The following DECR1 variants were observed in gnomAD, a reference collection of about 807,000 sequenced individuals.
DECR1 encodes 2,4-dienoyl-CoA reductase [(3E)-enoyl-CoA-producing], mitochondrial.
In DECR1, 44 loss-of-function variants were observed where a neutral mutation model predicts 38.8. That is an observed-to-expected ratio of 1.13 (90% CI 0.89 to 1.46). The LOEUF (loss-of-function observed/expected upper bound fraction) is 1.46. Ranked by LOEUF, DECR1 falls within the 40% of genes most tolerant of loss-of-function variation. The probability of loss-of-function intolerance (pLI) is 0.00; values close to 1 mark genes in which losing one functional copy is unlikely to be tolerated. For missense variants in DECR1, 428 were observed against 405.5 expected, an observed-to-expected ratio of 1.06 and a Z score of -0.48; for synonymous variants, 148 against 135.2, an observed-to-expected ratio of 1.09 and a Z score of -0.66.
At chr8:90,020,790 A>G (rs993474919) in intron 4 of DECR1, 119 bp from the exon 5 acceptor site, 2 of 693,324 alleles carry the variant, frequency 2.9e-6, no homozygotes, top group Non-Finnish European at 4.3e-6. Context: ...TTTCGTAGGT[A>G]GCTGTGGACT....
At chr8:90,037,874 C>T (rs1274097316) in intron 6 of DECR1, among the ~76,000 whole-genome samples, 1 of 152,140 alleles carries the variant, frequency 6.6e-6, no homozygotes, top group Admixed American at 6.6e-5. Flanking sequence ...CTACCAGTCT[C>T]TTCCCCCTGT....
At chr8:90,004,661 T>A (rs1265797343) in intron 1 of DECR1, among the ~76,000 whole-genome samples, 1 of 152,236 alleles carries the variant, frequency 6.6e-6, no homozygotes, top group African/African-American at 2.4e-5. Context: ...TTATTTTTTT[T>A]AAATCTGGAA....
Position 90,019,150 on chromosome 8 carries a change from T to C in DECR1, c.395T>C (p.Ile132Thr). The C allele has an allele frequency of 3.1e-6, 5 of 1,614,154 alleles. No homozygotes were observed. The highest frequency in any genetic ancestry group is 2.2e-5 in the East Asian group (1 of 44,880). ...DMVQNTVSEL[I>T]KVAGHPNIVI... ...GTTCAAAACACTGTGTCAGAACTGA[T>C]CAAAGTTGCAGGACATCCTAATGTA... The change falls in exon 4 of 10, where the codon ATC becomes ACC. Residue 132 changes from isoleucine (I) to threonine (T), a missense_variant. Physicochemically the swap from Ile to Thr is moderately conservative, Grantham distance 89. Transcript: ENST00000220764.
intron 1 of DECR1, among the ~76,000 whole-genome samples, chr8:90,012,156 CT>C (rs1170178816): frequency 0.019 from 2,627 of 138,488 alleles, 59 homozygotes; most frequent in African/African-American, 0.056. Context: ...CTTTTCTTTT[CT>C]TTTTTTTTTT....
At chr8:90,047,628 G>A (rs1225579419) in intron 8 of DECR1, among the ~76,000 whole-genome samples, 2 of 152,122 alleles carry the variant, frequency 1.3e-5, no homozygotes, top group African/African-American at 4.8e-5. Flanking sequence ...AGAACAACAA[G>A]ACAGAAAGTT....
chr8:90,029,517 GAAGAAAGAATA>G (rs1563640738), intron 5 of DECR1: 1 of 152,154 alleles, frequency 6.6e-6, no homozygotes, highest in Admixed American at 6.5e-5. Flanking sequence ...ATCACCAACT[GAAGAAAGAATA>G]AAAACAAAGG....
intron 8 of DECR1, among the ~76,000 whole-genome samples, chr8:90,050,734 T>A (rs1163232511): frequency 6.6e-6 from 1 of 152,206 alleles, no homozygotes; most frequent in African/African-American, 2.4e-5. Context: ...CGTATGTTTA[T>A]TGCACTACTA....
intron 6 of DECR1, among the ~76,000 whole-genome samples, chr8:90,039,475 G>A (rs1472551634): frequency 6.6e-6 from 1 of 152,130 alleles, no homozygotes; most frequent in Non-Finnish European, 1.5e-5. Context: ...AGAACAGCAT[G>A]GGGAAAACTG....
intron 1 of DECR1, among the ~76,000 whole-genome samples, chr8:90,013,558 G>A (rs906367718): frequency 2.0e-5 from 3 of 152,016 alleles, no homozygotes; most frequent in African/African-American, 7.2e-5. Flanking sequence ...GTCGGGGCTG[G>A]ACAGAGCTCA....
chr8:90,046,341 C>G (rs1813901682), intron 8 of DECR1, among the ~76,000 whole-genome samples: 1 of 152,108 alleles, frequency 6.6e-6, no homozygotes, highest in Non-Finnish European at 1.5e-5. Flanking sequence ...AGAGAAGACC[C>G]TAAATGACCT....
intron 1 of DECR1, among the ~76,000 whole-genome samples, chr8:90,010,150 C>G (rs976533302): frequency 6.6e-6 from 1 of 152,194 alleles, no homozygotes; most frequent in African/African-American, 2.4e-5. Context: ...ATATCAGTGG[C>G]CTCTGTTCAG....
chr8:90,048,235 T>C (rs1001872947), intron 8 of DECR1, among the ~76,000 whole-genome samples: 2 of 151,766 alleles, frequency 1.3e-5, no homozygotes, highest in Non-Finnish European at 2.9e-5. Context: ...AAAAAATCAA[T>C]GAATCCAGGA....
chr8:90,033,025 C>A (rs1271961160), intron 5 of DECR1, among the ~76,000 whole-genome samples: 1 of 152,066 alleles, frequency 6.6e-6, no homozygotes, highest in East Asian at 1.9e-4. Flanking sequence ...ATCTAGGGTC[C>A]AGAGCAGGGA....
At chr8:90,021,612 G>T (rs779645928) in intron 5 of DECR1, among the ~76,000 whole-genome samples, 2 of 152,224 alleles carry the variant, frequency 1.3e-5, no homozygotes, top group African/African-American at 2.4e-5. Flanking sequence ...AATGCGACTT[G>T]ATTGGAAAGG....
Position 90,021,060 on chromosome 8 carries a change from T to C in DECR1, c.565+4T>C, listed in dbSNP as rs766798793. 2.6e-6 allele frequency: 4 copies of C among 1,567,392 alleles called. No individual in the cohort carries two copies. The highest frequency in any genetic ancestry group is 3.4e-6 in the Non-Finnish European group (4 of 1,163,220). On this transcript the variant is annotated splice_donor_region_variant and intron_variant, in intron 5 of 9. Coordinates refer to ENST00000220764, the MANE Select transcript of DECR1 (RefSeq NM_001359.2). Reference sequence around the variant, plus strand: ...CAACTAATTAAAGCACAGAAAGGTATGTTTATTTGCTTTTCTCATATTTAT... The same window carrying C: ...CAACTAATTAAAGCACAGAAAGGTACGTTTATTTGCTTTTCTCATATTTAT...
chr8:90,026,591 G>A (rs537730926), intron 5 of DECR1, among the ~76,000 whole-genome samples: 28 of 152,036 alleles, frequency 1.8e-4, no homozygotes, highest in African/African-American at 6.8e-4. Flanking sequence ...ATTTTTTATT[G>A]CATCTATTTG....
At chr8:90,026,883 A>T (rs1231855099) in intron 5 of DECR1, among the ~76,000 whole-genome samples, 2 of 152,114 alleles carry the variant, frequency 1.3e-5, no homozygotes, top group Non-Finnish European at 2.9e-5. Flanking sequence ...CCCTCTACAC[A>T]CTGCTTTAAA....
chr8:90,026,898 TC>T (rs1813360159), intron 5 of DECR1, among the ~76,000 whole-genome samples: 2 of 152,236 alleles, frequency 1.3e-5, no homozygotes, highest in African/African-American at 4.8e-5. Flanking sequence ...TTTAAATGTG[TC>T]CCAGAGATTC....
At chr8:90,019,670 G>A (rs1026935542) in intron 4 of DECR1, among the ~76,000 whole-genome samples, 2 of 152,132 alleles carry the variant, frequency 1.3e-5, no homozygotes, top group Non-Finnish European at 2.9e-5. Context: ...TCCAGGACCT[G>A]GTTTAACTAG....
Sources: allele counts gnomAD v4.1 joint callset (sites outside exome capture counted in the v4.1 genomes callset), GRCh38; gene constraint gnomAD v4.1.1; transcripts MANE v1.5; gene names NCBI Gene and HGNC (gene_info 2026-07-23, HGNC 2026-07-21).